The following DOCK8 variants were observed in gnomAD, a reference collection of about 807,000 sequenced individuals.
DOCK8 encodes dedicator of cytokinesis protein 8.
Under a neutral mutation model 245.6 loss-of-function variants are expected in DOCK8, and 141 were observed. The ratio of observed to expected loss-of-function variants is 0.57; its 90% CI spans 0.50 to 0.66. DOCK8 has a LOEUF of 0.66. Ranked by LOEUF, DOCK8 falls within the 30% of genes least tolerant of loss-of-function variation. The pLI, the probability that DOCK8 is intolerant of heterozygous loss-of-function variation, is 0.00. For synonymous variants in DOCK8, 1,168 were observed against 970.2 expected, an observed-to-expected ratio of 1.20 and a Z score of -3.79; for missense variants, 2,965 against 2,603.4, an observed-to-expected ratio of 1.14 and a Z score of -3.02.
chr9:304,655 A>C lies in DOCK8; in HGVS notation c.479A>C (p.Lys160Thr). 6.2e-7 allele frequency: 1 copy of C among 1,614,198 alleles called. No homozygotes were observed. Reference sequence around the variant, plus strand: ...AAAGATTTTCACAAGACGCTTCCGAAACAGACGTTTGAGTCGGAAACCTTG... The same window carrying C: ...AAAGATTTTCACAAGACGCTTCCGACACAGACGTTTGAGTCGGAAACCTTG... ...SRKDFHKTLPKQTFESETLEC... is the reference protein window; with the variant it reads ...SRKDFHKTLPTQTFESETLEC... Residue 160 changes from lysine to threonine, a missense_variant, in exon 5 of 48, where the codon AAA (lysine) becomes ACA (threonine). Transcript: ENST00000432829.
intron 46 of DOCK8, chr9:460,306 A>T (rs546433501): frequency 1.1e-4 from 17 of 152,318 alleles, no homozygotes; most frequent in African/African-American, 4.1e-4. Context: ...TCTGCAAACA[A>T]AGACTAAGGA....
intron 2 of DOCK8, among the ~76,000 whole-genome samples, chr9:282,513 G>C (rs1229814438): frequency 6.6e-6 from 1 of 150,582 alleles, no homozygotes; most frequent in Non-Finnish European, 1.5e-5. Flanking sequence ...CGAACTCCTG[G>C]GCTCAGTGTT....
rs763162294 is a variant in DOCK8 at position 304,688 on chromosome 9, G to T, written c.512G>T (p.Ser171Ile). Residue 171 changes from serine (S) to isoleucine (I), a missense_variant, in exon 5 of 48, where the codon AGT (serine) becomes ATT (isoleucine). Ser to Ile is a moderately radical substitution (Grantham distance 142). Transcript: ENST00000432829. ...TTTGAGTCGGAAACCTTGGAGTGCA[G>T]TGAACCCGCTGCTCAGGTATTTCCT... is the stretch of plus-strand genomic sequence containing the variant. ...QTFESETLEC[S>I]EPAAQAGPRH... is the part of the protein sequence containing the mutation. 5 of 1,614,170 alleles carry T rather than the reference G, an allele frequency of 3.1e-6. No individual in the cohort carries two copies. The highest frequency in any genetic ancestry group is 4.2e-6 in the Non-Finnish European group (5 of 1,180,012).
At chr9:365,405 G>A (rs1443515762) in intron 14 of DOCK8, among the ~76,000 whole-genome samples, 1 of 152,124 alleles carries the variant, frequency 6.6e-6, no homozygotes, top group East Asian at 1.9e-4. Flanking sequence ...ACTTCAGTAT[G>A]TTTTCAGTGT....
chr9:408,160 C>G (rs1431835432), intron 28 of DOCK8, among the ~76,000 whole-genome samples: 1 of 152,158 alleles, frequency 6.6e-6, no homozygotes, highest in Non-Finnish European at 1.5e-5. Context: ...GGATTTTTAT[C>G]TAAATGGAAT....
chr9:340,661 C>A (rs1451224245), intron 14 of DOCK8: 1 of 217,722 alleles, frequency 4.6e-6, no homozygotes, highest in African/African-American at 2.3e-5. Context: ...CTTGGAAAAC[C>A]GTTGAGCTCA....
intron 16 of DOCK8, among the ~76,000 whole-genome samples, chr9:370,536 CTTCTA>C (rs2053239036): frequency 6.6e-6 from 1 of 152,190 alleles, no homozygotes; most frequent in Non-Finnish European, 1.5e-5. Flanking sequence ...TTTCCAGAAG[CTTCTA>C]TTCTAGTATG....
At chr9:384,872 T>C (rs925424322) in intron 22 of DOCK8, among the ~76,000 whole-genome samples, 9 of 152,170 alleles carry the variant, frequency 5.9e-5, no homozygotes, top group Admixed American at 1.3e-4. Flanking sequence ...GCCAAGATCG[T>C]GCCACCGCAC....
At chr9:429,009 C>T (rs997302682) in intron 35 of DOCK8, among the ~76,000 whole-genome samples, 1 of 152,276 alleles carries the variant, frequency 6.6e-6, no homozygotes. Context: ...GCTCTATCGC[C>T]CAGGCTGGAG....
intron 8 of DOCK8, 129 bp downstream of exon 8, chr9:325,866 A>G (rs2050744549): frequency 1.2e-6 from 1 of 866,648 alleles, no homozygotes; most frequent in Non-Finnish European, 1.9e-6. Context: ...TGATGAGTCC[A>G]GTTCTGTTGC....
intron 4 of DOCK8, among the ~76,000 whole-genome samples, chr9:301,869 T>G (rs1190927128): frequency 1.3e-5 from 2 of 152,136 alleles, no homozygotes; most frequent in Non-Finnish European, 2.9e-5. Flanking sequence ...TGGACAAATA[T>G]TCCATGCTCG....
chr9:276,000 C>T (rs1315219392), intron 2 of DOCK8, among the ~76,000 whole-genome samples: 1 of 152,118 alleles, frequency 6.6e-6, no homozygotes, highest in African/African-American at 2.4e-5. Context: ...AAGTGATTCT[C>T]CTGACTTAGC....
intron 1 of DOCK8, among the ~76,000 whole-genome samples, chr9:255,393 C>T (rs919763540): frequency 5.9e-5 from 9 of 152,066 alleles, no homozygotes; most frequent in South Asian, 4.1e-4. Flanking sequence ...ACAGGCAGAG[C>T]GCGGTGGCTC....
Position 304,713 on chromosome 9 carries a change from T to C in DOCK8, c.528+9T>C. The C allele has an allele frequency of 1.2e-6, 2 of 1,614,170 alleles. No homozygotes were observed. The highest frequency in any genetic ancestry group is 1.7e-6 in the Non-Finnish European group (2 of 1,180,010). The stretch of plus-strand genomic sequence containing the variant: ...GTGAACCCGCTGCTCAGGTATTTCC[T>C]GTCAACAAACATGGTTACCAGGTTA... On this transcript the variant is annotated intron_variant, in intron 5 of 47. Coordinates refer to ENST00000432829, the MANE Select transcript of DOCK8 (RefSeq NM_203447.4).
intron 5 of DOCK8, among the ~76,000 whole-genome samples, chr9:306,504 A>C (rs1432165258): frequency 6.6e-6 from 1 of 152,174 alleles, no homozygotes; most frequent in Non-Finnish European, 1.5e-5. Flanking sequence ...TAACACAGGG[A>C]ATTGATTAAA....
chr9:318,140 G>A (rs964040951), intron 7 of DOCK8, among the ~76,000 whole-genome samples: 6 of 151,984 alleles, frequency 3.9e-5, no homozygotes, highest in African/African-American at 7.3e-5. Context: ...GTGTACCCTC[G>A]GAGTGCCTCC....
At chr9:428,303 A>G in intron 34 of DOCK8, 59 bp from the exon 35 acceptor site, 3 of 1,612,690 alleles carry the variant, frequency 1.9e-6, no homozygotes, top group South Asian at 1.1e-5. Flanking sequence ...ATTGTCAGGA[A>G]CATCCAGTTC....
At chr9:447,240 A>G (rs2057294082) in intron 44 of DOCK8, among the ~76,000 whole-genome samples, 1 of 152,248 alleles carries the variant, frequency 6.6e-6, no homozygotes, top group African/African-American at 2.4e-5. Context: ...CTCAAACCAC[A>G]GAATTGTTCA....
intron 22 of DOCK8, among the ~76,000 whole-genome samples, chr9:384,114 T>C (rs756520504): frequency 1.1e-4 from 17 of 152,158 alleles, no homozygotes; most frequent in Non-Finnish European, 2.1e-4. Flanking sequence ...TCTTAGACTT[T>C]CTTTGTTCTT....
Sources: gnomAD v4.1 joint callset for allele counts (sites outside exome capture counted in the v4.1 genomes callset) on GRCh38, gnomAD v4.1.1 for gene constraint, MANE v1.5 for transcripts, NCBI Gene and HGNC (gene_info 2026-07-23, HGNC 2026-07-21) for gene names.